Variants in CADPS2 observed in about 807,000 individuals in gnomAD.
CADPS2 encodes the protein calcium-dependent secretion activator 2.
CADPS2 carries 93 observed loss-of-function variants against 172.5 expected under a neutral mutation model. The ratio of observed to expected loss-of-function variants is 0.54; its 90% CI spans 0.46 to 0.64. The LOEUF is 0.64. CADPS2 is among the 30% of genes least tolerant of loss of function. The pLI is 0.00. For missense variants in CADPS2, 1,420 were observed against 1,565.9 expected (o/e 0.91, Z 1.57); for synonymous variants, 546 against 555.2 (o/e 0.98, Z 0.23).
intron 1 of CADPS2, among the ~76,000 whole-genome samples, chr7:122,816,327 A>C (rs939201699): frequency 6.6e-6 from 1 of 152,178 alleles, no homozygotes; most frequent in Non-Finnish European, 1.5e-5. Context: ...TTCACTTAAC[A>C]TAATGTCTTC....
At chr7:122,717,706 C>A (rs942220443) in intron 2 of CADPS2, among the ~76,000 whole-genome samples, 3 of 152,106 alleles carry the variant, frequency 2.0e-5, no homozygotes, top group Admixed American at 1.3e-4. Flanking sequence ...TATAAATGCA[C>A]CTTGGTGAGG....
intron 2 of CADPS2, among the ~76,000 whole-genome samples, chr7:122,706,974 G>C (rs143572788): frequency 6.6e-6 from 1 of 151,292 alleles, no homozygotes; most frequent in African/African-American, 2.4e-5. Flanking sequence ...GGTTAATCAT[G>C]ATTTATCCTG....
At chr7:122,423,484 A>T (rs962784167) in intron 17 of CADPS2, among the ~76,000 whole-genome samples, 6 of 152,142 alleles carry the variant, frequency 3.9e-5, no homozygotes. Context: ...CCAAAAGCCA[A>T]CTTACTTTTT....
At chr7:122,545,024 TAA>T (rs952266075) in intron 8 of CADPS2, among the ~76,000 whole-genome samples, 10 of 152,218 alleles carry the variant, frequency 6.6e-5, no homozygotes, top group African/African-American at 2.2e-4. Flanking sequence ...TGGTAAAAAG[TAA>T]AGAGACGGAA....
chr7:122,838,586 G>A lies in CADPS2; in HGVS notation c.339+47413C>T, dbSNP rs187015252. The stretch of plus-strand genomic sequence containing the variant: ...ATAAGCAACTTCAGCAAAGTCTCAG[G>A]ATACAAAATCAATGTGCAAAAATCA... On this transcript the variant is annotated intron_variant, in intron 1 of 29. Coordinates refer to ENST00000449022, the MANE Select transcript of CADPS2 (RefSeq NM_017954.11). 2.4e-3 allele frequency among the ~76,000 whole-genome samples: 368 copies of A among 152,228 alleles called. 1 individual carries two copies. The highest frequency in any genetic ancestry group is 8.1e-3 in the African/African-American group (335 of 41,536).
intron 15 of CADPS2, 136 bp downstream of exon 15, chr7:122,451,238 A>C: frequency 4.6e-6 from 2 of 437,822 alleles, no homozygotes; most frequent in South Asian, 1.2e-4. Flanking sequence ...AAGAATGTGA[A>C]CCTTACCCTG....
chr7:122,338,927 ATTTTTTTT>A (rs72188819), intron 28 of CADPS2: 1 of 137,796 alleles, frequency 7.3e-6, no homozygotes, highest in Non-Finnish European at 1.6e-5. Context: ...TGCTAGGCTA[ATTTTTTTT>A]TTTTTTTTTT....
rs548030625 is a variant in CADPS2, at chr7:122,374,605, CACAG to C, written c.3387+4759_3387+4762del. Among the ~76,000 whole-genome samples, 13 of 151,972 alleles carry C rather than the reference CACAG, an allele frequency of 8.6e-5. No homozygotes were observed. The East Asian group carries it at 1.2e-3, about 14-fold the overall frequency. ...TTCAGTAAAGTTGCAGAAAAAAAAT[CACAG>C]ACAAACTATCACAAGATCAGAAAAC... is the stretch of plus-strand genomic sequence containing the variant. On this transcript the variant is annotated intron_variant, in intron 25 of 29. Coordinates refer to ENST00000449022, the MANE Select transcript of CADPS2 (RefSeq NM_017954.11).
chr7:122,774,269 TACACACAC>T (rs56843003), intron 1 of CADPS2, among the ~76,000 whole-genome samples: 31,193 of 142,924 alleles, frequency 0.22, 3,485 homozygotes, highest in African/African-American at 0.3. Context: ...TAGATAGATA[TACACACAC>T]ACACACACAC....
Position 122,474,492 on chromosome 7 carries a change from A to ACCATGTTT in CADPS2, c.1879_1886dup (p.Met630AsnfsTer33). Reference sequence around the variant, plus strand: ...GGTTTGCAGAAATAAACTCATCCATACCATGTTTCTGAAAACGATCTGCAT... The same window carrying ACCATGTTT: ...GGTTTGCAGAAATAAACTCATCCATACCATGTTTCCATGTTTCTGAAAACGATCTGCAT... On this transcript the variant is annotated frameshift_variant, in exon 13 of 30. Transcript: ENST00000449022. LOFTEE classifies it high-confidence loss of function. 1 of 1,613,136 alleles carries ACCATGTTT rather than the reference A, an allele frequency of 6.2e-7. No homozygotes were observed. Among genetic ancestry groups the ACCATGTTT allele is most frequent in the Non-Finnish European group, 8.5e-7 (1 of 1,179,542 alleles).
At chr7:122,453,646 G>A (rs956839505) in intron 14 of CADPS2, among the ~76,000 whole-genome samples, 4 of 152,184 alleles carry the variant, frequency 2.6e-5, no homozygotes, top group African/African-American at 9.6e-5. Context: ...TAATCTTTTG[G>A]CTTAGCTACC....
intron 1 of CADPS2, among the ~76,000 whole-genome samples, chr7:122,833,077 A>G (rs1443356215): frequency 6.6e-6 from 1 of 152,332 alleles, no homozygotes. Flanking sequence ...TCCATGCACA[A>G]CTACTACTAA....
intron 2 of CADPS2, among the ~76,000 whole-genome samples, chr7:122,665,701 C>G (rs2081120371): frequency 6.6e-6 from 1 of 152,186 alleles, no homozygotes; most frequent in South Asian, 2.1e-4. Flanking sequence ...ATGGTTTCCA[C>G]TGAGTTATAT....
intron 1 of CADPS2, among the ~76,000 whole-genome samples, chr7:122,862,570 G>C (rs563379207): frequency 6.6e-6 from 1 of 152,078 alleles, no homozygotes; most frequent in Non-Finnish European, 1.5e-5. Context: ...TGAGCCTTAA[G>C]AGGAGTAAGG....
rs1167393536 is a variant in CADPS2 at position 122,645,336 on chromosome 7, C to CAT, written c.787-16009_787-16008insAT. On this transcript the variant is annotated intron_variant, in intron 3 of 29. Coordinates refer to ENST00000449022, the MANE Select transcript of CADPS2 (RefSeq NM_017954.11). ...GTGTGTATACATGTACATATATACA[C>CAT]ACATGTACATGTGTGTGTATACATG... 2.5e-4 allele frequency among the ~76,000 whole-genome samples: 25 copies of CAT among 100,938 alleles called. No individual in the cohort carries two copies. In the South Asian group the frequency reaches 5.5e-3, roughly 22 times the overall value. 66.2% of individuals were successfully genotyped at this position (100,938 alleles called of 152,430 possible).
At chr7:122,702,475 GA>G in intron 2 of CADPS2, 1 of 1,613,754 alleles carries the variant, frequency 6.2e-7, no homozygotes, top group Non-Finnish European at 8.5e-7. Context: ...TGGGCCTGCT[GA>G]AATTGGTCAA....
chr7:122,537,014 T>C (rs189440660), intron 8 of CADPS2, among the ~76,000 whole-genome samples: 1 of 152,046 alleles, frequency 6.6e-6, no homozygotes, highest in East Asian at 1.9e-4. Context: ...ATACTGAGAC[T>C]TTTTTGAGGG....
At chr7:122,844,000 G>C (rs1311741296) in intron 1 of CADPS2, among the ~76,000 whole-genome samples, 3 of 152,232 alleles carry the variant, frequency 2.0e-5, no homozygotes, top group Non-Finnish European at 4.4e-5. Context: ...GCAGAGACAG[G>C]ATCATAGACG....
chr7:122,807,910 T>C (rs2140101713), intron 1 of CADPS2, among the ~76,000 whole-genome samples: 1 of 152,276 alleles, frequency 6.6e-6, no homozygotes, highest in East Asian at 1.9e-4. Flanking sequence ...CCAAATATGG[T>C]TACATTCTGA....
Sources: gnomAD v4.1 joint callset for allele counts (sites outside exome capture counted in the v4.1 genomes callset) on GRCh38, gnomAD v4.1.1 for gene constraint, MANE v1.5 for transcripts, NCBI Gene and HGNC (gene_info 2026-07-23, HGNC 2026-07-21) for gene names.